The following ALPK3 variants were observed in gnomAD, a reference collection of about 807,000 sequenced individuals.
ALPK3 encodes alpha-protein kinase 3.
In ALPK3, 102 loss-of-function variants were observed where a neutral mutation model predicts 140.0. That is an observed-to-expected ratio of 0.73 (90% CI 0.62 to 0.86). The LOEUF is 0.86. ALPK3 is among the 40% of genes least tolerant of loss of function. The pLI is 0.00. For missense variants in ALPK3, 2,254 were observed against 2,208.2 expected (o/e 1.02, Z -0.42); for synonymous variants, 938 against 898.5 (o/e 1.04, Z -0.79).
chr15:84,819,117 G>T (rs1000094025), intron 1 of ALPK3, among the ~76,000 whole-genome samples: 3 of 152,234 alleles, frequency 2.0e-5, no homozygotes, highest in Non-Finnish European at 4.4e-5. Flanking sequence ...TAGGAAAAGG[G>T]CTGGAGAATG....
chr15:84,852,801 T>C (rs1257383791), intron 5 of ALPK3, among the ~76,000 whole-genome samples: 1 of 152,200 alleles, frequency 6.6e-6, no homozygotes, highest in Non-Finnish European at 1.5e-5. Flanking sequence ...GATAAGCCAT[T>C]GAAAGGTTTT....
chr15:84,836,261 A>T (rs1256910173), intron 3 of ALPK3, among the ~76,000 whole-genome samples: 1 of 152,150 alleles, frequency 6.6e-6, no homozygotes, highest in Non-Finnish European at 1.5e-5. Context: ...CAGGGCCCAG[A>T]TCATGAGGGC....
At chr15:84,844,831 T>C (rs1227685813) in intron 5 of ALPK3, among the ~76,000 whole-genome samples, 1 of 151,606 alleles carries the variant, frequency 6.6e-6, no homozygotes, top group Admixed American at 6.6e-5. Context: ...CGCTCCAGCC[T>C]GGGCAACAGA....
intron 3 of ALPK3, among the ~76,000 whole-genome samples, chr15:84,837,393 C>G (rs909813428): frequency 6.6e-6 from 1 of 152,152 alleles, no homozygotes; most frequent in Non-Finnish European, 1.5e-5. Flanking sequence ...TACTTAGGAG[C>G]GTGGTGCATC....
At chr15:84,850,536 AC>A (rs551123158) in intron 5 of ALPK3, among the ~76,000 whole-genome samples, 2 of 151,594 alleles carry the variant, frequency 1.3e-5, no homozygotes, top group South Asian at 4.2e-4. Context: ...GGCATATGCC[AC>A]CACACCTGGC....
At chr15:84,835,014 T>C (rs954859165) in intron 3 of ALPK3, among the ~76,000 whole-genome samples, 2 of 152,202 alleles carry the variant, frequency 1.3e-5, no homozygotes, top group African/African-American at 4.8e-5. Flanking sequence ...GAGGGTGGCA[T>C]GGAGGCTGAG....
intron 7 of ALPK3, 146 bp from the exon 8 acceptor site, chr15:84,859,630 A>G: frequency 7.4e-7 from 1 of 1,351,868 alleles, no homozygotes; most frequent in Non-Finnish European, 9.8e-7. Flanking sequence ...CTTCAGGACC[A>G]GCTCTTGGCC....
At chr15:84,841,521 G>T (rs761011899) in intron 5 of ALPK3, among the ~76,000 whole-genome samples, 11 of 152,246 alleles carry the variant, frequency 7.2e-5, no homozygotes, top group African/African-American at 1.4e-4. Context: ...TAGGGCTGTT[G>T]TAAGAATCTG....
intron 2 of ALPK3, 48 bp downstream of exon 2, chr15:84,823,416 C>T (rs747605706): frequency 1.2e-6 from 2 of 1,608,664 alleles, no homozygotes; most frequent in Admixed American, 3.3e-5. Context: ...TTCCTTGGGT[C>T]TGGGCATTGA....
Position 84,868,221 on chromosome 15 carries a change from C to T in ALPK3, c.4883C>T (p.Pro1628Leu), listed in dbSNP as rs371706327. Residue 1628 changes from proline to leucine, a missense_variant, in exon 14 of 14, where the codon CCG becomes CTG. Transcript: ENST00000258888. The stretch of plus-strand genomic sequence containing the variant: ...CTGGGGCTGACACCTCTCAAGGGCC[C>T]GGAGGCGGCCCACCCCCAAGCCAAA... ...ELLGLTPLKG[P>L]EAAHPQAKAK... 1.1e-4 allele frequency: 183 copies of T among 1,614,032 alleles called. No individual in the cohort carries two copies. Among genetic ancestry groups the T allele is most frequent in the Middle Eastern group, 1.6e-4 (1 of 6,082 alleles).
intron 3 of ALPK3, among the ~76,000 whole-genome samples, chr15:84,828,070 C>A (rs114383133): frequency 0.013 from 2,017 of 152,278 alleles, 18 homozygotes; most frequent in African/African-American, 0.026. Flanking sequence ...CTGGCTCATC[C>A]CCTTTCCAAT....
intron 1 of ALPK3, among the ~76,000 whole-genome samples, chr15:84,819,008 G>A (rs376220109): frequency 1.3e-5 from 2 of 152,138 alleles, no homozygotes; most frequent in South Asian, 2.1e-4. Flanking sequence ...CAGAAGAGGC[G>A]GAACCAGGGT....
At chr15:84,817,623 G>C (rs1434071083) in intron 1 of ALPK3, 28 bp downstream of exon 1, 1 of 1,475,334 alleles carries the variant, frequency 6.8e-7, no homozygotes. Flanking sequence ...GCAGGGCGGC[G>C]TCGGGCCGGC....
chr15:84,855,076 AG>A (rs1443795698), intron 5 of ALPK3, among the ~76,000 whole-genome samples: 1 of 152,196 alleles, frequency 6.6e-6, no homozygotes, highest in Non-Finnish European at 1.5e-5. Context: ...AGGTTTCTTC[AG>A]GAGTGTAGCT....
chr15:84,849,093 G>A (rs538363002), intron 5 of ALPK3, among the ~76,000 whole-genome samples: 1 of 151,828 alleles, frequency 6.6e-6, no homozygotes, highest in East Asian at 1.9e-4. Context: ...GTTGAGTCGA[G>A]ATCACGCCAT....
chr15:84,838,701 C>A (rs572964511), intron 3 of ALPK3, among the ~76,000 whole-genome samples: 1 of 151,146 alleles, frequency 6.6e-6, no homozygotes, highest in Non-Finnish European at 1.5e-5. Flanking sequence ...CTCACTGCAA[C>A]CTCGGACTCC....
Position 84,856,446 on chromosome 15 carries a change from G to A in ALPK3, c.1708G>A (p.Asp570Asn). 6.2e-7 allele frequency: 1 copy of A among 1,613,668 alleles called. No individual in the cohort carries two copies. The highest frequency in any genetic ancestry group is 8.5e-7 in the Non-Finnish European group (1 of 1,179,802). ...TACCATGTCGGCCAGCAGCAGCTCTGATGTAGCCTCCATTGGGGTTAGCAC... is the reference window on the plus strand; with the variant it reads ...TACCATGTCGGCCAGCAGCAGCTCTAATGTAGCCTCCATTGGGGTTAGCAC... ...APTMSASSSS[D>N]VASIGVSTSG... The change falls in exon 6 of 14, where the codon GAT becomes AAT. Residue 570 changes from aspartate (D) to asparagine (N), a missense_variant. Asp to Asn is a conservative substitution (Grantham distance 23, BLOSUM62 1). Coordinates refer to ENST00000258888, the MANE Select transcript of ALPK3 (RefSeq NM_020778.5).
In ALPK3 at chr15:84,860,078, G is replaced by T. The variant is rs548491267; in HGVS notation, c.4129+6G>T. 5 of 1,614,126 alleles carry T rather than the reference G, an allele frequency of 3.1e-6. No homozygotes were observed. The highest frequency in any genetic ancestry group is 2.2e-5 in the South Asian group (2 of 91,070). ...CTCCAGAGAAGAAGGTGAAGGTATG[G>T]TTCCCCCCTGGGGAAGGCGGGGTGG... On this transcript the variant is annotated splice_donor_region_variant and intron_variant, in intron 9 of 13. Coordinates refer to ENST00000258888, the MANE Select transcript of ALPK3 (RefSeq NM_020778.5).
intron 3 of ALPK3, among the ~76,000 whole-genome samples, chr15:84,834,556 G>A (rs1963579499): frequency 6.6e-6 from 1 of 152,194 alleles, no homozygotes; most frequent in Non-Finnish European, 1.5e-5. Context: ...GTGTTCTGAG[G>A]GTCAAATGAA....
Sources: allele counts gnomAD v4.1 joint callset (sites outside exome capture counted in the v4.1 genomes callset), GRCh38; gene constraint gnomAD v4.1.1; transcripts MANE v1.5; gene names NCBI Gene and HGNC (gene_info 2026-07-23, HGNC 2026-07-21).